PSMB3: variants seen among roughly 807,000 people sequenced by gnomAD.
The protein encoded by PSMB3 is proteasome 20S subunit beta 3, also known as proteasome subunit beta type-3.
Under a neutral mutation model 23.3 loss-of-function variants are expected in PSMB3, and 5 were observed. That is an observed-to-expected ratio of 0.21 (90% CI 0.11 to 0.45). The LOEUF (loss-of-function observed/expected upper bound fraction) is 0.45. Among genes scored for constraint, PSMB3 ranks in the 20% least tolerant of loss-of-function variants. The pLI, the probability that PSMB3 is intolerant of heterozygous loss-of-function variation, is 0.99. For missense variants in PSMB3, 192 were observed against 277.9 expected, an observed-to-expected ratio of 0.69 and a Z score of 2.20; for synonymous variants, 85 against 99.8, an observed-to-expected ratio of 0.85 and a Z score of 0.88.
intron 2 of PSMB3, among the ~76,000 whole-genome samples, chr17:38,754,151 G>A (rs1598029302): frequency 6.6e-6 from 1 of 152,292 alleles, no homozygotes; most frequent in East Asian, 1.9e-4. Context: ...TAGCTCACAA[G>A]CGTGGGTGGA....
chr17:38,757,633 G>A (rs149978010), intron 3 of PSMB3, among the ~76,000 whole-genome samples: 3,019 of 151,700 alleles, frequency 0.02, 88 homozygotes, highest in African/African-American at 0.07. Context: ...TGGTCAACAT[G>A]GTGAAACCCC....
intron 3 of PSMB3, among the ~76,000 whole-genome samples, chr17:38,759,332 G>A (rs1367807625): frequency 6.6e-6 from 1 of 152,076 alleles, no homozygotes; most frequent in Non-Finnish European, 1.5e-5. Context: ...TGGGAGCTGC[G>A]GCTCATTGTC....
chr17:38,753,301 G>T lies in PSMB3; in HGVS notation c.155G>T (p.Gly52Val). 4 of 1,614,098 alleles carry T rather than the reference G, an allele frequency of 2.5e-6. No individual in the cohort carries two copies. Among genetic ancestry groups the T allele is most frequent in the Non-Finnish European group, 3.4e-6 (4 of 1,180,010 alleles). The change falls in exon 2 of 6, where the codon GGT becomes GTT. Residue 52 changes from glycine to valine, a missense_variant. Coordinates refer to ENST00000619426, the MANE Select transcript of PSMB3 (RefSeq NM_002795.4). ...CCCATGGGTGACCGGCTGTACATCG[G>T]TCTGGCCGGGCTCGCCACTGACGTC... is the stretch of plus-strand genomic sequence containing the variant. ...IFPMGDRLYIGLAGLATDVQT... is the reference protein window; with the variant it reads ...IFPMGDRLYIVLAGLATDVQT...
At chr17:38,753,001 C>A (rs1908000714) in intron 1 of PSMB3, 149 bp from the exon 2 acceptor site, 30 of 1,235,600 alleles carry the variant, frequency 2.4e-5, no homozygotes, top group Non-Finnish European at 3.3e-5. Context: ...ATTGCCGCCA[C>A]ACAGTGCTCA....
intron 3 of PSMB3, among the ~76,000 whole-genome samples, chr17:38,759,712 T>A (rs1464357188): frequency 6.6e-6 from 1 of 151,274 alleles, no homozygotes; most frequent in Non-Finnish European, 1.5e-5. Context: ...GCCCAGCTAA[T>A]TTTTTTTTGT....
intron 2 of PSMB3, among the ~76,000 whole-genome samples, chr17:38,754,485 A>G (rs1306217598): frequency 1.3e-5 from 2 of 152,212 alleles, no homozygotes; most frequent in Admixed American, 1.3e-4. Context: ...AAATAAAAAA[A>G]GAAAGAATAA....
chr17:38,756,583 C>G (rs11079060), intron 3 of PSMB3, among the ~76,000 whole-genome samples: 13,665 of 152,042 alleles, frequency 0.09, 2,096 homozygotes, highest in African/African-American at 0.31. Flanking sequence ...GCAACCTCCA[C>G]CTCCCAGGTT....
chr17:38,763,800 C>T (rs891724158), intron 5 of PSMB3, among the ~76,000 whole-genome samples: 3 of 152,192 alleles, frequency 2.0e-5, no homozygotes, highest in Non-Finnish European at 4.4e-5. Context: ...CCGCGCCCGG[C>T]CAAGCTCCTT....
intron 1 of PSMB3, 36 bp from the exon 2 acceptor site, chr17:38,753,114 C>A: frequency 6.4e-7 from 1 of 1,565,946 alleles, no homozygotes. Context: ...CAGCGTTTGA[C>A]CCCCCGCGCT....
Position 38,752,896 on chromosome 17 carries a change from C to T in PSMB3, c.3+67C>T. On this transcript the variant is annotated intron_variant, in intron 1 of 5. Coordinates refer to ENST00000619426, the MANE Select transcript of PSMB3 (RefSeq NM_002795.4). The surrounding 1 kb of genome is among the most constrained non-coding windows in gnomAD (Gnocchi z 5.5). ...GAGAAGCGGAGGGGGTCAGGAGAGGCTTGGGGACGAAAAGGGCCTAGGGTC... is the reference window on the plus strand; with the variant it reads ...GAGAAGCGGAGGGGGTCAGGAGAGGTTTGGGGACGAAAAGGGCCTAGGGTC... The T allele has an allele frequency of 1.2e-6, 2 of 1,601,428 alleles. No homozygotes were observed. The highest frequency in any genetic ancestry group is 1.1e-5 in the South Asian group (1 of 90,402).
At chr17:38,755,671 T>A (rs1372843439) in intron 2 of PSMB3, among the ~76,000 whole-genome samples, 3,570 of 119,558 alleles carry the variant, frequency 0.03, 110 homozygotes, top group Non-Finnish European at 0.045. Flanking sequence ...TATATATATA[T>A]ATATATATAT....
At position 38,753,336 on chromosome 17, in the gene PSMB3, TA is replaced by T; in HGVS notation, c.188+4del. The T allele has an allele frequency of 6.2e-7, 1 of 1,613,138 alleles. No homozygotes were observed. ...GCTCGCCACTGACGTCCAGACAGTGTAAGTTTCAAGGGTCCCCGCCCACACC... is the reference window on the plus strand; with the variant it reads ...GCTCGCCACTGACGTCCAGACAGTGTAGTTTCAAGGGTCCCCGCCCACACC... On this transcript the variant is annotated splice_donor_region_variant and intron_variant, in intron 2 of 5. Coordinates refer to ENST00000619426, the MANE Select transcript of PSMB3 (RefSeq NM_002795.4).
rs1258006568 is a variant in PSMB3, at chr17:38,762,467, G to C, written c.531G>C (p.Arg177=). ...AAGCCATGCTGAATGCTGTGGACCG[G>C]GATGCAGTGTCAGGCATGGGAGTCA... ...ISQAMLNAVD[R]DAVSGMGVIV... is the part of the protein sequence containing the mutation. The change falls in exon 5 of 6, where the codon CGG becomes CGC. Residue 177 remains arginine, a synonymous_variant. Coordinates refer to ENST00000619426, the MANE Select transcript of PSMB3 (RefSeq NM_002795.4). 1.2e-6 allele frequency: 2 copies of C among 1,614,088 alleles called. No homozygotes were observed. Among genetic ancestry groups the C allele is most frequent in the African/African-American group, 2.7e-5 (2 of 74,942 alleles).
chr17:38,763,244 C>T (rs1908519282), intron 5 of PSMB3, among the ~76,000 whole-genome samples: 1 of 151,800 alleles, frequency 6.6e-6, no homozygotes, highest in African/African-American at 2.4e-5. Context: ...ATCCCAGCTA[C>T]TAGGGAGGCT....
intron 3 of PSMB3, among the ~76,000 whole-genome samples, chr17:38,758,135 A>G (rs1056737345): frequency 1.3e-5 from 2 of 152,242 alleles, no homozygotes; most frequent in Admixed American, 6.5e-5. Flanking sequence ...TCTGGGGTCC[A>G]GATTTTAAAA....
chr17:38,755,381 C>T (rs1394729256), intron 2 of PSMB3: 2 of 152,048 alleles, frequency 1.3e-5, no homozygotes, highest in Admixed American at 6.6e-5. Flanking sequence ...CGTAGTGGCT[C>T]ACGCCTGTAA....
At position 38,756,799 on chromosome 17, in the gene PSMB3, C is replaced by CT. The variant is rs1016779412; in HGVS notation, c.296+818dup. Among the ~76,000 whole-genome samples the CT allele has an allele frequency of 7.3e-5, 11 of 150,730 alleles. No homozygotes were observed. The South Asian group carries it at 1.7e-3, about 23-fold the overall frequency. ...TGAGCCACCATGCCTGGCCTGATCT[C>CT]TTTTTTTTTCTTTTCTTTTAACTTT... On this transcript the variant is annotated intron_variant, in intron 3 of 5. Transcript: ENST00000619426.
At position 38,756,001 on chromosome 17, in the gene PSMB3, G is replaced by A. The variant is rs777041850; in HGVS notation, c.296+11G>A. 1.9e-6 allele frequency: 3 copies of A among 1,593,298 alleles called. No homozygotes were observed. The highest frequency in any genetic ancestry group is 2.7e-5 in the African/African-American group (2 of 74,502). On this transcript the variant is annotated intron_variant, in intron 3 of 5. Coordinates refer to ENST00000619426, the MANE Select transcript of PSMB3 (RefSeq NM_002795.4). ...CTTGTATGAGAAACGGTGAGTGCAA[G>A]TGTAGCTAGCACTGAGGGAATGCAG...
At chr17:38,760,304 C>A (rs1474257148) in intron 3 of PSMB3, 127 bp from the exon 4 acceptor site, 7 of 987,024 alleles carry the variant, frequency 7.1e-6, no homozygotes, top group Non-Finnish European at 1.0e-5. Context: ...GAAAGGTGAT[C>A]TTCCTAAACA....
Sources: allele counts gnomAD v4.1 joint callset (sites outside exome capture counted in the v4.1 genomes callset), GRCh38; gene constraint gnomAD v4.1.1; non-coding constraint Gnocchi (gnomAD v3.1); transcripts MANE v1.5; gene names NCBI Gene and HGNC (gene_info 2026-07-23, HGNC 2026-07-21).